The following JARID2 variants were observed in gnomAD, a reference collection of about 807,000 sequenced individuals.
JARID2 encodes the protein protein Jumonji.
Under a neutral mutation model 125.6 loss-of-function variants are expected in JARID2, and 21 were observed. The observed-to-expected ratio is 0.17, with a 90% CI of 0.12 to 0.24. The LOEUF (loss-of-function observed/expected upper bound fraction) is 0.24, where lower values mean the gene tolerates loss of function less well. Among genes scored for constraint, JARID2 ranks in the 10% least tolerant of loss-of-function variants. JARID2 has a pLI of 1.00. For missense variants in JARID2, 1,303 were observed against 1,639.6 expected (o/e 0.79, Z 3.55); for synonymous variants, 736 against 661.6 (o/e 1.11, Z -1.73).
intron 3 of JARID2, among the ~76,000 whole-genome samples, chr6:15,427,557 C>G (rs1766782985): frequency 6.6e-6 from 1 of 152,034 alleles, no homozygotes; most frequent in Non-Finnish European, 1.5e-5. Context: ...TTCTTTCCTT[C>G]CTCCTCTAAG....
intron 5 of JARID2, among the ~76,000 whole-genome samples, chr6:15,483,783 G>A (rs1241509831): frequency 6.6e-6 from 1 of 152,092 alleles, no homozygotes; most frequent in Non-Finnish European, 1.5e-5. Context: ...TGGAATTGGT[G>A]GGTCATATGG....
At chr6:15,315,481 A>G (rs536916389) in intron 1 of JARID2, among the ~76,000 whole-genome samples, 9 of 152,234 alleles carry the variant, frequency 5.9e-5, no homozygotes, top group Admixed American at 3.9e-4. Flanking sequence ...TGGGAATCAT[A>G]GTGCAGTCAG....
chr6:15,374,664 C>A (rs923215646), intron 2 of JARID2, among the ~76,000 whole-genome samples: 2 of 152,192 alleles, frequency 1.3e-5, no homozygotes, highest in African/African-American at 2.4e-5. Context: ...GCTTTCTCAT[C>A]TCTCCTTCCT....
At chr6:15,485,429 T>C (rs1025427162) in intron 5 of JARID2, among the ~76,000 whole-genome samples, 1 of 152,222 alleles carries the variant, frequency 6.6e-6, no homozygotes, top group African/African-American at 2.4e-5. Flanking sequence ...AAAGGGTGCA[T>C]GCAAAGTTGG....
intron 1 of JARID2, among the ~76,000 whole-genome samples, chr6:15,351,012 A>AT (rs1763411473): frequency 6.6e-6 from 1 of 151,908 alleles, no homozygotes; most frequent in African/African-American, 2.4e-5. Context: ...AAAAAAAAAA[A>AT]GCAGATATCT....
At chr6:15,315,482 G>T (rs1316631127) in intron 1 of JARID2, among the ~76,000 whole-genome samples, 1 of 152,196 alleles carries the variant, frequency 6.6e-6, no homozygotes, top group Non-Finnish European at 1.5e-5. Flanking sequence ...GGGAATCATA[G>T]TGCAGTCAGT....
intron 3 of JARID2, among the ~76,000 whole-genome samples, chr6:15,450,541 T>A (rs1284145443): frequency 1.3e-5 from 2 of 152,226 alleles, no homozygotes; most frequent in Non-Finnish European, 1.5e-5. Flanking sequence ...TTTGGGATTC[T>A]GATGAGGTCT....
At chr6:15,490,025 C>A (rs1293310929) in intron 6 of JARID2, among the ~76,000 whole-genome samples, 1 of 152,178 alleles carries the variant, frequency 6.6e-6, no homozygotes, top group Non-Finnish European at 1.5e-5. Flanking sequence ...TCCTTTGGAG[C>A]CAGTCTGGCC....
intron 5 of JARID2, among the ~76,000 whole-genome samples, chr6:15,477,489 G>T (rs1303713306): frequency 7.1e-6 from 1 of 140,218 alleles, no homozygotes; most frequent in Non-Finnish European, 1.5e-5. Context: ...GTTGGAATAT[G>T]GGATGGGAGT....
chr6:15,504,652 A>G, intron 9 of JARID2, 60 bp downstream of exon 9: 1 of 1,120,950 alleles, frequency 8.9e-7, no homozygotes, highest in South Asian at 1.2e-5. Flanking sequence ...GGCGAGCTGG[A>G]GGACATCCTG....
chr6:15,425,865 G>T (rs1766703792), intron 3 of JARID2, among the ~76,000 whole-genome samples: 1 of 152,164 alleles, frequency 6.6e-6, no homozygotes, highest in Non-Finnish European at 1.5e-5. Context: ...CTTCAATATG[G>T]TCATGTGTGC....
intron 1 of JARID2, among the ~76,000 whole-genome samples, chr6:15,318,583 C>T (rs1456269494): frequency 6.6e-6 from 1 of 152,234 alleles, no homozygotes; most frequent in Non-Finnish European, 1.5e-5. Context: ...GAACCACATG[C>T]TCTTGTTCTG....
At chr6:15,370,330 GTTT>G (rs33981169) in intron 1 of JARID2, among the ~76,000 whole-genome samples, 38,251 of 114,306 alleles carry the variant, frequency 0.33, 5,635 homozygotes, top group Middle Eastern at 0.4. Context: ...TATCTGGGCT[GTTT>G]TTTTTTTTTT....
chr6:15,358,624 T>C (rs1046509999), intron 1 of JARID2, among the ~76,000 whole-genome samples: 1 of 152,256 alleles, frequency 6.6e-6, no homozygotes, highest in Non-Finnish European at 1.5e-5. Context: ...CTGTAACCTT[T>C]TTGCTTTTTC....
intron 1 of JARID2, among the ~76,000 whole-genome samples, chr6:15,280,053 C>T (rs1482556999): frequency 6.6e-6 from 1 of 152,264 alleles, no homozygotes; most frequent in Middle Eastern, 3.4e-3. Flanking sequence ...GAAAAATTAA[C>T]ACCTGGTCGT....
chr6:15,395,820 ATGCCT>A (rs1765200226), intron 2 of JARID2, among the ~76,000 whole-genome samples: 1 of 151,802 alleles, frequency 6.6e-6, no homozygotes, highest in African/African-American at 2.4e-5. Flanking sequence ...GTGCACCACC[ATGCCT>A]GGCTAATTTG....
intron 4 of JARID2, among the ~76,000 whole-genome samples, chr6:15,464,644 T>C (rs994944080): frequency 3.9e-5 from 6 of 152,222 alleles, no homozygotes; most frequent in Non-Finnish European, 7.3e-5. Flanking sequence ...GGTGGTTAAC[T>C]GACCTCCTCC....
At chr6:15,458,163 T>C (rs1016642838) in intron 4 of JARID2, among the ~76,000 whole-genome samples, 1 of 152,226 alleles carries the variant, frequency 6.6e-6, no homozygotes. Flanking sequence ...CTCTGGTTAT[T>C]CTTAATGAGT....
At chr6:15,501,500 G>A in intron 8 of JARID2, 91 bp downstream of exon 8, 2 of 1,273,854 alleles carry the variant, frequency 1.6e-6, no homozygotes, top group Non-Finnish European at 2.1e-6. Flanking sequence ...TGGACGGTGT[G>A]TTCTCTGATT....
Sources: gnomAD v4.1 joint callset for allele counts (sites outside exome capture counted in the v4.1 genomes callset) on GRCh38, gnomAD v4.1.1 for gene constraint, MANE v1.5 for transcripts, NCBI Gene and HGNC (gene_info 2026-07-23, HGNC 2026-07-21) for gene names.